The following THSD7B variants were observed in gnomAD, a reference collection of about 807,000 sequenced individuals.
THSD7B encodes the protein thrombospondin type 1 domain containing 7B, also known as thrombospondin type-1 domain-containing protein 7B.
THSD7B carries 138 observed loss-of-function variants against 213.6 expected under a neutral mutation model. That is an observed-to-expected ratio of 0.65 (90% CI 0.56 to 0.74). THSD7B has a LOEUF of 0.74. Ranked by LOEUF, THSD7B falls within the 30% of genes least tolerant of loss-of-function variation. THSD7B has a pLI of 0.00. For synonymous variants in THSD7B, 742 were observed against 687.0 expected (o/e 1.08, Z -1.25); for missense variants, 1,931 against 1,991.5 (o/e 0.97, Z 0.58).
intron 15 of THSD7B, among the ~76,000 whole-genome samples, chr2:137,455,987 C>T (rs776875203): frequency 6.6e-5 from 10 of 152,212 alleles, no homozygotes; most frequent in Non-Finnish European, 1.0e-4. Flanking sequence ...AATTACAAAG[C>T]ACATGTTCAG....
chr2:137,331,147 T>C (rs1161082360), intron 12 of THSD7B, among the ~76,000 whole-genome samples: 1 of 136,946 alleles, frequency 7.3e-6, no homozygotes, highest in Non-Finnish European at 1.5e-5. Flanking sequence ...GAGCTAGACA[T>C]AAATGTTCTC....
In THSD7B at chr2:137,495,028, T is replaced by G. The variant is rs564221543; in HGVS notation, c.3138+44005T>G. On this transcript the variant is annotated intron_variant, in intron 15 of 27. Transcript: ENST00000409968. ...CATTTTCCTGGCATGCTGGGATTCC[T>G]TCTCTCACTCATTACTTACCACAGT... Among the ~76,000 whole-genome samples the G allele has an allele frequency of 7.2e-5, 11 of 152,322 alleles. No homozygotes were observed. In the South Asian group the frequency reaches 2.3e-3, roughly 32 times the overall value.
intron 3 of THSD7B, among the ~76,000 whole-genome samples, chr2:137,077,429 T>G (rs958868112): frequency 6.6e-6 from 1 of 152,174 alleles, no homozygotes; most frequent in Non-Finnish European, 1.5e-5. Context: ...TGAACTAGTT[T>G]ACATTCTCAC....
chr2:136,815,934 G>T (rs1682463419), intron 1 of THSD7B, among the ~76,000 whole-genome samples: 1 of 152,100 alleles, frequency 6.6e-6, no homozygotes, highest in South Asian at 2.1e-4. Context: ...TCCCAGGCTG[G>T]AGTGCAGTGG....
intron 15 of THSD7B, among the ~76,000 whole-genome samples, chr2:137,493,138 A>C (rs1679468532): frequency 1.3e-5 from 2 of 150,162 alleles, no homozygotes; most frequent in South Asian, 4.2e-4. Flanking sequence ...AAAAAAAAAA[A>C]AAAAAAAAAA....
chr2:137,160,336 A>T lies in THSD7B; in HGVS notation c.1493A>T (p.His498Leu). Residue 498 changes from histidine to leucine, a missense_variant, in exon 6 of 28, where the codon CAT (histidine) becomes CTT (leucine). Transcript: ENST00000409968. ...TGGTCAGCCTGGGGCCTGTGCATCC[A>T]TGAAAACTGTCATGATCCTCAGGGG... is the stretch of plus-strand genomic sequence containing the variant. ...SSWSAWGLCI[H>L]ENCHDPQGKK... is the part of the protein sequence containing the mutation. The T allele has an allele frequency of 1.9e-6, 3 of 1,613,466 alleles. No homozygotes were observed. Among genetic ancestry groups the T allele is most frequent in the Non-Finnish European group, 2.5e-6 (3 of 1,179,594 alleles).
chr2:137,363,104 A>G (rs979776574), intron 12 of THSD7B, among the ~76,000 whole-genome samples: 7 of 152,218 alleles, frequency 4.6e-5, no homozygotes, highest in East Asian at 3.8e-4. Flanking sequence ...GCACAAATAT[A>G]TGGAAACTGA....
chr2:136,785,784 C>T (rs1299359738), intron 1 of THSD7B, among the ~76,000 whole-genome samples: 5 of 152,152 alleles, frequency 3.3e-5, no homozygotes, highest in Non-Finnish European at 7.3e-5. Context: ...ACTTGATACC[C>T]AATACATGGT....
chr2:137,333,978 A>T (rs1684577206), intron 12 of THSD7B, among the ~76,000 whole-genome samples: 1 of 152,126 alleles, frequency 6.6e-6, no homozygotes, highest in Non-Finnish European at 1.5e-5. Context: ...GAGAATAGAT[A>T]TTTTTGGTCT....
chr2:136,836,478 G>A (rs1341063635), intron 1 of THSD7B, among the ~76,000 whole-genome samples: 1 of 152,100 alleles, frequency 6.6e-6, no homozygotes, highest in Non-Finnish European at 1.5e-5. Context: ...TTCACTTTTT[G>A]TATATATTGT....
At chr2:136,840,734 C>T (rs551901936) in intron 1 of THSD7B, among the ~76,000 whole-genome samples, 15 of 152,170 alleles carry the variant, frequency 9.9e-5, no homozygotes, top group African/African-American at 3.6e-4. Flanking sequence ...AAGTTATATT[C>T]CAGGGAACTT....
chr2:137,316,804 T>G lies in THSD7B; in HGVS notation c.2500+40778T>G, dbSNP rs1684120781. On this transcript the variant is annotated intron_variant, in intron 12 of 27. Coordinates refer to ENST00000409968, the MANE Select transcript of THSD7B (RefSeq NM_001316349.2). ...AAAAAAAGAAAAGGCGACCAGGTTC[T>G]TATGATATGGTAATTTTGATGGGGA... Among the ~76,000 whole-genome samples the G allele has an allele frequency of 4.6e-5, 7 of 151,666 alleles. No individual in the cohort carries two copies. The South Asian group carries it at 1.5e-3, about 32-fold the overall frequency.
At chr2:136,931,049 C>T (rs1166890937) in intron 2 of THSD7B, among the ~76,000 whole-genome samples, 1 of 151,974 alleles carries the variant, frequency 6.6e-6, no homozygotes, top group Non-Finnish European at 1.5e-5. Context: ...CATTTTTCTT[C>T]TAGTCACGAG....
intron 15 of THSD7B, among the ~76,000 whole-genome samples, chr2:137,549,936 C>A (rs1680813696): frequency 6.6e-6 from 1 of 151,952 alleles, no homozygotes; most frequent in Non-Finnish European, 1.5e-5. Flanking sequence ...TTCACTTGAA[C>A]TTGACTGATA....
At chr2:137,171,259 A>G (rs1680245313) in intron 7 of THSD7B, among the ~76,000 whole-genome samples, 1 of 152,194 alleles carries the variant, frequency 6.6e-6, no homozygotes, top group Non-Finnish European at 1.5e-5. Flanking sequence ...TCAATATAAA[A>G]CAAGTAAAAG....
chr2:136,817,918 G>C (rs1682502186), intron 1 of THSD7B, among the ~76,000 whole-genome samples: 1 of 150,788 alleles, frequency 6.6e-6, no homozygotes, highest in African/African-American at 2.4e-5. Flanking sequence ...AGAGGATGTG[G>C]AGAAATAGGA....
intron 16 of THSD7B, among the ~76,000 whole-genome samples, chr2:137,569,535 T>TTC (rs1283723497): frequency 1.3e-5 from 2 of 152,190 alleles, no homozygotes; most frequent in Non-Finnish European, 2.9e-5. Flanking sequence ...GGGTACTTCT[T>TTC]ATACTTTCAA....
chr2:137,334,168 C>G (rs1197849140), intron 12 of THSD7B, among the ~76,000 whole-genome samples: 1 of 54,098 alleles, frequency 1.8e-5, no homozygotes, highest in African/African-American at 4.7e-5. Flanking sequence ...TTCTTTCTCT[C>G]TTTCTCTCTC....
At chr2:137,395,524 T>C (rs924566752) in intron 12 of THSD7B, among the ~76,000 whole-genome samples, 9 of 151,764 alleles carry the variant, frequency 5.9e-5, no homozygotes, top group African/African-American at 1.7e-4. Context: ...CACTTGATCA[T>C]GGTGGATAAG....
Sources: allele counts gnomAD v4.1 joint callset (sites outside exome capture counted in the v4.1 genomes callset), GRCh38; gene constraint gnomAD v4.1.1; transcripts MANE v1.5; gene names NCBI Gene and HGNC (gene_info 2026-07-23, HGNC 2026-07-21).